Variants in SPATA31G1 observed in about 807,000 individuals in gnomAD.
SPATA31G1 encodes spermatogenesis-associated protein 31G1.
At chr9:35,043,078 T>C in the SPATA31G1 span, 20 of 1,614,136 alleles carry the variant, frequency 1.2e-5, no homozygotes, top group Middle Eastern at 4.9e-4. Context: ...CTCAAGGCTA[T>C]AGGGATACCA....
the SPATA31G1 span, chr9:35,045,942 G>A: frequency 5.4e-6 from 8 of 1,486,822 alleles, no homozygotes; most frequent in Middle Eastern, 1.8e-4. Flanking sequence ...TGGGGATGTG[G>A]AGACAAGAAA....
the SPATA31G1 span, chr9:35,045,222 C>T: frequency 6.2e-7 from 1 of 1,614,154 alleles, no homozygotes; most frequent in Middle Eastern, 1.6e-4. Context: ...CCACTGTCAT[C>T]ACTTCCAATC....
At chr9:35,045,095 C>T in the SPATA31G1 span, 1 of 1,614,184 alleles carries the variant, frequency 6.2e-7, no homozygotes, top group Non-Finnish European at 8.5e-7. Flanking sequence ...TTCCAGACTT[C>T]TGGGGACTCC....
At chr9:35,044,709 C>G in the SPATA31G1 span, 1 of 1,614,178 alleles carries the variant, frequency 6.2e-7, no homozygotes, top group South Asian at 1.1e-5. Flanking sequence ...ACTCTCTACT[C>G]CTCTACCAGA....
chr9:35,042,853 C>T, the SPATA31G1 span: 1 of 1,608,186 alleles, frequency 6.2e-7, no homozygotes, highest in East Asian at 2.2e-5. Context: ...TCTTTATCTA[C>T]TTCCCAGGAA....
At chr9:35,043,978 A>T in the SPATA31G1 span, 9 of 1,613,052 alleles carry the variant, frequency 5.6e-6, no homozygotes, top group Non-Finnish European at 7.6e-6. Flanking sequence ...CCAGCATCTG[A>T]GACACCATGG....
chr9:35,043,155 TTTCC>T, the SPATA31G1 span: 1 of 1,614,086 alleles, frequency 6.2e-7, no homozygotes, highest in Non-Finnish European at 8.5e-7. Flanking sequence ...TCTGACCAGC[TTTCC>T]TGTGAGGCAC....
chr9:35,043,238 C>T, the SPATA31G1 span: 2 of 1,614,212 alleles, frequency 1.2e-6, no homozygotes, highest in Non-Finnish European at 1.7e-6. Context: ...CCTCTCTGCA[C>T]AGCGAGTCCT....
the SPATA31G1 span, chr9:35,044,443 G>T: frequency 6.2e-7 from 1 of 1,614,140 alleles, no homozygotes; most frequent in Non-Finnish European, 8.5e-7. Flanking sequence ...CACCCAGCTT[G>T]TAACTTACCC....
At chr9:35,044,515 A>T in the SPATA31G1 span, 1 of 1,613,928 alleles carries the variant, frequency 6.2e-7, no homozygotes, top group East Asian at 2.2e-5. Context: ...ATTGTAGGGG[A>T]AATGGAGCAA....
chr9:35,044,506 T>C, the SPATA31G1 span: 5 of 1,613,918 alleles, frequency 3.1e-6, no homozygotes, highest in East Asian at 4.5e-5. Context: ...TCTCAGTCTA[T>C]TGTAGGGGAA....
At chr9:35,044,340 G>GA in the SPATA31G1 span, 1 of 1,613,994 alleles carries the variant, frequency 6.2e-7, no homozygotes, top group Admixed American at 1.7e-5. Flanking sequence ...TCTTGCACCG[G>GA]AGCTGCTCAG....
chr9:35,041,128 G>A, the SPATA31G1 span: 1 of 454,288 alleles, frequency 2.2e-6, no homozygotes, highest in South Asian at 1.6e-5. Flanking sequence ...AAAGGAAGGA[G>A]GAAGTTAACT....
the SPATA31G1 span, chr9:35,043,186 A>AC: frequency 6.2e-7 from 1 of 1,614,152 alleles, no homozygotes; most frequent in African/African-American, 1.3e-5. Context: ...GCATCAGGGA[A>AC]CCGCCAGCAG....
chr9:35,042,521 C>T, the SPATA31G1 span: 6 of 1,613,552 alleles, frequency 3.7e-6, no homozygotes, highest in Non-Finnish European at 5.1e-6. Context: ...GGATGAATGA[C>T]TGCTGACACC....
chr9:35,042,881 T>C, the SPATA31G1 span: 1 of 1,614,064 alleles, frequency 6.2e-7, no homozygotes, highest in Non-Finnish European at 8.5e-7. Context: ...TTCTGCACCG[T>C]GTGGCCTTCC....
the SPATA31G1 span, chr9:35,043,258 T>C: frequency 6.2e-7 from 1 of 1,614,184 alleles, no homozygotes; most frequent in East Asian, 2.2e-5. Flanking sequence ...TTGGAGGCCA[T>C]CTTCCTGAGC....
chr9:35,044,831 C>T, the SPATA31G1 span: 1 of 1,613,992 alleles, frequency 6.2e-7, no homozygotes, highest in African/African-American at 1.3e-5. Context: ...AGCCTCCCAC[C>T]CTAGCTGAAG....
the SPATA31G1 span, chr9:35,042,167 T>C: frequency 1.1e-5 from 16 of 1,506,920 alleles, no homozygotes; most frequent in East Asian, 2.4e-4. Flanking sequence ...GAGAAGGCTG[T>C]TAAGCCCAGG....
Sources: allele counts gnomAD v4.1 joint callset, GRCh38; gene constraint gnomAD v4.1.1; transcripts MANE v1.5; gene names NCBI Gene and HGNC (gene_info 2026-07-23, HGNC 2026-07-21).